Variants in MBD5 observed in about 807,000 individuals in gnomAD.
MBD5 encodes methyl-CpG binding domain protein 5.
Under a neutral mutation model 117.3 loss-of-function variants are expected in MBD5, and 13 were observed. The observed-to-expected ratio is 0.11, with a 90% confidence interval of 0.07 to 0.18. MBD5 has a LOEUF of 0.18. Among genes scored for constraint, MBD5 ranks in the 10% least tolerant of loss-of-function variants. MBD5 has a pLI of 1.00. For synonymous variants in MBD5, 727 were observed against 766.4 expected (o/e 0.95, Z 0.85); for missense variants, 1,879 against 2,093.8 (o/e 0.90, Z 2.00).
chr2:148,437,879 A>C (rs1706201100), intron 4 of MBD5, among the ~76,000 whole-genome samples: 1 of 152,194 alleles, frequency 6.6e-6, no homozygotes, highest in Non-Finnish European at 1.5e-5. Flanking sequence ...GAGATTAATC[A>C]AAAGCCTTAA....
chr2:148,330,606 A>G (rs1442884972), intron 3 of MBD5: 1 of 152,214 alleles, frequency 6.6e-6, no homozygotes, highest in African/African-American at 2.4e-5. Flanking sequence ...TTCAGGTATG[A>G]CATCTATTTC....
At chr2:148,032,873 A>G (rs1694079341) in intron 1 of MBD5, among the ~76,000 whole-genome samples, 1 of 142,748 alleles carries the variant, frequency 7.0e-6, no homozygotes, top group Admixed American at 7.0e-5. Flanking sequence ...AGTGTCATAA[A>G]TATAACCAGG....
intron 4 of MBD5, among the ~76,000 whole-genome samples, chr2:148,451,888 T>C (rs1006250089): frequency 2.0e-5 from 3 of 152,298 alleles, no homozygotes; most frequent in Admixed American, 6.5e-5. Context: ...ATATCAAATA[T>C]CTATGTTTTA....
intron 2 of MBD5, among the ~76,000 whole-genome samples, chr2:148,232,942 T>G (rs962074712): frequency 6.6e-6 from 1 of 152,054 alleles, no homozygotes; most frequent in Non-Finnish European, 1.5e-5. Context: ...GCCCCCAAAC[T>G]TGGAGTAAAA....
At chr2:148,235,149 A>G (rs978495972) in intron 3 of MBD5, among the ~76,000 whole-genome samples, 3 of 152,144 alleles carry the variant, frequency 2.0e-5, no homozygotes, top group Non-Finnish European at 2.9e-5. Flanking sequence ...CCTAAATTCT[A>G]GGTAAATAGC....
chr2:148,131,168 T>C (rs964183112), intron 1 of MBD5, among the ~76,000 whole-genome samples: 1 of 152,212 alleles, frequency 6.6e-6, no homozygotes, highest in Non-Finnish European at 1.5e-5. Flanking sequence ...GGCTTACTAG[T>C]TTGAAAGCAC....
intron 4 of MBD5, among the ~76,000 whole-genome samples, chr2:148,352,486 C>T (rs933028682): frequency 1.3e-5 from 2 of 151,942 alleles, no homozygotes; most frequent in Non-Finnish European, 2.9e-5. Context: ...CCACAAGGGT[C>T]CCTCATGTTG....
chr2:148,376,152 G>A (rs183274921), intron 4 of MBD5, among the ~76,000 whole-genome samples: 83 of 151,846 alleles, frequency 5.5e-4, no homozygotes, highest in Non-Finnish European at 9.1e-4. Context: ...TCTCTATCCT[G>A]TTTGACCTGA....
At chr2:148,247,836 A>G (rs1700373878) in intron 3 of MBD5, among the ~76,000 whole-genome samples, 1 of 152,102 alleles carries the variant, frequency 6.6e-6, no homozygotes, top group South Asian at 2.1e-4. Context: ...AGCTGAGGGG[A>G]AAAAAATAAA....
At chr2:148,240,421 GA>G (rs67526946) in intron 3 of MBD5, among the ~76,000 whole-genome samples, 135,793 of 148,644 alleles carry the variant, frequency 0.91, 62,776 homozygotes, top group South Asian at 0.99. Flanking sequence ...TATAATTAAA[GA>G]AAAAAAAAAA....
At chr2:148,397,592 G>A (rs1250274262) in intron 4 of MBD5, among the ~76,000 whole-genome samples, 1 of 152,076 alleles carries the variant, frequency 6.6e-6, no homozygotes, top group Non-Finnish European at 1.5e-5. Context: ...GCCTCCCAAA[G>A]TGCTGAGATT....
In MBD5 at chr2:148,419,120, G is replaced by A. The variant is rs560434265; in HGVS notation, c.-556-39083G>A. Among the ~76,000 whole-genome samples, 28 of 152,244 alleles carry A rather than the reference G, an allele frequency of 1.8e-4. No individual in the cohort carries two copies. In the South Asian group the frequency reaches 2.1e-3, roughly 11 times the overall value. The stretch of plus-strand genomic sequence containing the variant: ...TTTTCTAGAAAGAGTACAGTAATAT[G>A]ACTTGGGGAAGGGACACCCAATTCA... On this transcript the variant is annotated intron_variant, in intron 4 of 13. Transcript: ENST00000642680.
chr2:148,484,226 T>C, intron 9 of MBD5, 91 bp downstream of exon 9: 1 of 1,144,976 alleles, frequency 8.7e-7, no homozygotes, highest in Non-Finnish European at 1.2e-6. Flanking sequence ...TGTCACACTA[T>C]TTTTAAAAAT....
intron 7 of MBD5, among the ~76,000 whole-genome samples, chr2:148,465,820 T>C (rs536672994): frequency 2.0e-5 from 3 of 152,272 alleles, no homozygotes; most frequent in African/African-American, 7.2e-5. Context: ...TATGTTTTCA[T>C]TGTTGCATAT....
At chr2:148,213,155 G>GA (rs1382657261) in intron 2 of MBD5, among the ~76,000 whole-genome samples, 4 of 152,004 alleles carry the variant, frequency 2.6e-5, no homozygotes, top group Non-Finnish European at 4.4e-5. Flanking sequence ...TCTCTTAGCT[G>GA]AAAAAATAAT....
chr2:148,385,716 T>C (rs2105478431), intron 4 of MBD5, among the ~76,000 whole-genome samples: 1 of 151,064 alleles, frequency 6.6e-6, no homozygotes, highest in Middle Eastern at 3.4e-3. Flanking sequence ...AACCCAAATG[T>C]CCAACAATGA....
chr2:148,182,103 C>A (rs1698546395), intron 2 of MBD5, among the ~76,000 whole-genome samples: 1 of 151,836 alleles, frequency 6.6e-6, no homozygotes, highest in Non-Finnish European at 1.5e-5. Context: ...GTGATGTTGG[C>A]CATCTCATGT....
intron 1 of MBD5, among the ~76,000 whole-genome samples, chr2:148,158,290 CA>C (rs1395495511): frequency 6.6e-6 from 1 of 151,998 alleles, no homozygotes; most frequent in Non-Finnish European, 1.5e-5. Flanking sequence ...TAAAAGTATG[CA>C]ATTAGACAGT....
intron 4 of MBD5, among the ~76,000 whole-genome samples, chr2:148,421,102 C>T (rs138472139): frequency 3.3e-5 from 5 of 152,248 alleles, no homozygotes; most frequent in East Asian, 1.9e-4. Flanking sequence ...CTCAAATTGC[C>T]GTTTAATACT....
Sources: gnomAD v4.1 joint callset for allele counts (sites outside exome capture counted in the v4.1 genomes callset) on GRCh38, gnomAD v4.1.1 for gene constraint, MANE v1.5 for transcripts, NCBI Gene and HGNC (gene_info 2026-07-23, HGNC 2026-07-21) for gene names.